The following PDE1C variants were observed in gnomAD, a reference collection of about 807,000 sequenced individuals.
PDE1C encodes the protein dual specificity calcium/calmodulin-dependent 3',5'-cyclic nucleotide phosphodiesterase 1C.
In PDE1C, 62 loss-of-function variants were observed where a neutral mutation model predicts 93.1. The ratio of observed to expected loss-of-function variants is 0.67; its 90% CI spans 0.54 to 0.82. The LOEUF (loss-of-function observed/expected upper bound fraction) is 0.82, where lower values mean the gene tolerates loss of function less well. PDE1C is among the 40% of genes least tolerant of loss of function. The pLI is 0.00. For missense variants in PDE1C, 742 were observed against 884.6 expected (o/e 0.84, Z 2.04); for synonymous variants, 325 against 310.1 (o/e 1.05, Z -0.50).
chr7:31,738,595 A>C, the PDE1C span, among the ~76,000 whole-genome samples: 1 of 152,140 alleles, frequency 6.6e-6, no homozygotes, highest in Non-Finnish European at 1.5e-5. Flanking sequence ...TTGAAAAGCA[A>C]CCCAGCTAGG....
intron 3 of PDE1C, among the ~76,000 whole-genome samples, chr7:32,139,743 T>C (rs1228381113): frequency 6.6e-6 from 1 of 151,920 alleles, no homozygotes; most frequent in Non-Finnish European, 1.5e-5. Flanking sequence ...ACATGAAGAG[T>C]AGTCAGCTGG....
At chr7:31,950,460 C>T (rs971475839) in intron 2 of PDE1C, among the ~76,000 whole-genome samples, 2 of 152,150 alleles carry the variant, frequency 1.3e-5, no homozygotes, top group Admixed American at 6.6e-5. Context: ...TCCAAGACAT[C>T]CTCAAAAGTA....
the PDE1C span, chr7:31,707,512 C>T: frequency 4.0e-6 from 2 of 495,310 alleles, no homozygotes; most frequent in Admixed American, 3.8e-5. Flanking sequence ...TTTTCTAATG[C>T]AGTGGAAAAG....
the PDE1C span, chr7:31,692,291 AG>A: frequency 1.6e-6 from 1 of 608,036 alleles, no homozygotes; most frequent in Non-Finnish European, 2.8e-6. Context: ...ATAAAGAAAC[AG>A]GATTGGATTG....
chr7:32,316,299 T>C (rs1783169881), intron 1 of PDE1C, among the ~76,000 whole-genome samples: 1 of 152,190 alleles, frequency 6.6e-6, no homozygotes, highest in Non-Finnish European at 1.5e-5. Context: ...CTATTCTCCA[T>C]ACATCAGTAT....
chr7:31,753,787 C>T (rs1384065548), intron 17 of PDE1C, among the ~76,000 whole-genome samples: 2 of 152,170 alleles, frequency 1.3e-5, no homozygotes, highest in African/African-American at 2.4e-5. Context: ...ACAGTGATAA[C>T]TGCAGTACAT....
At chr7:31,900,275 C>T (rs1799806963) in intron 2 of PDE1C, among the ~76,000 whole-genome samples, 1 of 152,044 alleles carries the variant, frequency 6.6e-6, no homozygotes, top group Non-Finnish European at 1.5e-5. Context: ...ATGTCTGTTG[C>T]ATAATTACAA....
chr7:31,730,898 T>C, the PDE1C span, among the ~76,000 whole-genome samples: 1 of 151,856 alleles, frequency 6.6e-6, no homozygotes, highest in African/African-American at 2.4e-5. Flanking sequence ...GAAAGCACAC[T>C]GCAGACAAAG....
chr7:32,370,216 G>A (rs1470128989), intron 1 of PDE1C, among the ~76,000 whole-genome samples: 4 of 152,110 alleles, frequency 2.6e-5, no homozygotes, highest in East Asian at 1.9e-4. Context: ...TTGGGAGGCC[G>A]AGGAGGGCGG....
At chr7:31,819,920 C>G (rs946999234) in intron 14 of PDE1C, among the ~76,000 whole-genome samples, 9 of 152,082 alleles carry the variant, frequency 5.9e-5, no homozygotes, top group Admixed American at 2.0e-4. Context: ...TGAATTTTGA[C>G]TATTTCAAAT....
At position 32,123,303 on chromosome 7, in the gene PDE1C, T is replaced by C. The variant is rs929609840; in HGVS notation, c.308+46482A>G. Among the ~76,000 whole-genome samples the C allele has an allele frequency of 1.1e-4, 16 of 152,264 alleles. 5 individuals are homozygous for C. The highest frequency in any genetic ancestry group is 6.5e-5 in the Admixed American group (1 of 15,294). ...GAGGTACAAAAAGGAGCTGGTACAA[T>C]TCCTTCTGAAACTATTCCAAACAAC... On this transcript the variant is annotated intron_variant, in intron 3 of 18. Coordinates refer to the PDE1C transcript ENST00000396193.
At chr7:32,026,842 AAG>A (rs1789502330) in intron 2 of PDE1C, among the ~76,000 whole-genome samples, 1 of 152,162 alleles carries the variant, frequency 6.6e-6, no homozygotes, top group African/African-American at 2.4e-5. Context: ...AATTAAAAAA[AAG>A]AGAACATCAA....
chr7:31,693,789 A>G, the PDE1C span, among the ~76,000 whole-genome samples: 1 of 152,358 alleles, frequency 6.6e-6, no homozygotes, highest in South Asian at 2.1e-4. Flanking sequence ...GAAAGAGAGA[A>G]ATTTACCTGA....
chr7:31,637,495 G>A, the PDE1C span, among the ~76,000 whole-genome samples: 1 of 152,192 alleles, frequency 6.6e-6, no homozygotes, highest in Admixed American at 6.5e-5. Context: ...CAGTGATGAT[G>A]AGCATTTTTT....
intron 2 of PDE1C, among the ~76,000 whole-genome samples, chr7:32,026,098 G>A (rs1402045396): frequency 1.3e-5 from 2 of 151,966 alleles, no homozygotes; most frequent in Non-Finnish European, 1.5e-5. Flanking sequence ...ACACACGCGT[G>A]CACTCTCCCC....
intron 3 of PDE1C, among the ~76,000 whole-genome samples, chr7:32,144,178 A>C (rs1800691248): frequency 6.6e-6 from 1 of 152,180 alleles, no homozygotes; most frequent in Admixed American, 6.5e-5. Context: ...GAGACACTAT[A>C]TCAGCTCACA....
At chr7:31,660,849 G>C in the PDE1C span, among the ~76,000 whole-genome samples, 3 of 151,304 alleles carry the variant, frequency 2.0e-5, no homozygotes, top group Non-Finnish European at 4.4e-5. Flanking sequence ...CCATTAGAAA[G>C]TCAATCATGC....
chr7:32,059,221 G>A (rs913864932), intron 1 of PDE1C, among the ~76,000 whole-genome samples: 1 of 152,214 alleles, frequency 6.6e-6, no homozygotes, highest in Non-Finnish European at 1.5e-5. Context: ...GCCTTTGACA[G>A]TGTGGTTTGG....
At chr7:32,418,152 C>A (rs1298080864) in intron 1 of PDE1C, among the ~76,000 whole-genome samples, 2 of 152,174 alleles carry the variant, frequency 1.3e-5, no homozygotes, top group East Asian at 3.8e-4. Flanking sequence ...TCATGCCCAG[C>A]CTTACTTCTG....
Sources: allele counts gnomAD v4.1 joint callset (sites outside exome capture counted in the v4.1 genomes callset), GRCh38; gene constraint gnomAD v4.1.1; transcripts MANE v1.5; gene names NCBI Gene and HGNC (gene_info 2026-07-23, HGNC 2026-07-21).